Variants in DENND5B observed in about 807,000 individuals in gnomAD.
The protein encoded by DENND5B is DENN domain-containing protein 5B.
In DENND5B, 34 loss-of-function variants were observed where a neutral mutation model predicts 140.6. The ratio of observed to expected loss-of-function variants is 0.24; its 90% CI spans 0.18 to 0.32. The LOEUF (loss-of-function observed/expected upper bound fraction) is 0.32, where lower values mean the gene tolerates loss of function less well. Ranked by LOEUF, DENND5B falls within the 10% of genes least tolerant of loss-of-function variation. The pLI, the probability that DENND5B is intolerant of heterozygous loss-of-function variation, is 1.00. For missense variants in DENND5B, 1,142 were observed against 1,560.2 expected (o/e 0.73, Z 4.52); for synonymous variants, 551 against 562.1 (o/e 0.98, Z 0.28).
intron 1 of DENND5B, among the ~76,000 whole-genome samples, chr12:31,510,372 A>C (rs138977065): frequency 1.3e-5 from 2 of 152,184 alleles, no homozygotes; most frequent in African/African-American, 4.8e-5. Context: ...CTGGAGTGCA[A>C]TGGCACAATC....
intron 1 of DENND5B, among the ~76,000 whole-genome samples, chr12:31,530,606 C>T (rs1948247477): frequency 6.6e-6 from 1 of 152,006 alleles, no homozygotes; most frequent in Non-Finnish European, 1.5e-5. Context: ...AATATGTCAG[C>T]ACTGAAAAAA....
At chr12:31,569,630 G>A (rs1949749407) in intron 1 of DENND5B, among the ~76,000 whole-genome samples, 1 of 151,840 alleles carries the variant, frequency 6.6e-6, no homozygotes, top group Non-Finnish European at 1.5e-5. Flanking sequence ...CCAATGTGGT[G>A]AACCCTGTCT....
chr12:31,496,972 T>C (rs1946783949), intron 1 of DENND5B, among the ~76,000 whole-genome samples: 1 of 152,130 alleles, frequency 6.6e-6, no homozygotes, highest in African/African-American at 2.4e-5. Context: ...AAGTGCAAAA[T>C]ACTAGCTGTT....
At chr12:31,459,091 A>C (rs1308371253) in intron 4 of DENND5B, among the ~76,000 whole-genome samples, 2 of 152,060 alleles carry the variant, frequency 1.3e-5, no homozygotes, top group Non-Finnish European at 2.9e-5. Context: ...GCATGCCTGT[A>C]ATCCCAGCTA....
chr12:31,490,168 A>C lies in DENND5B; in HGVS notation c.237+5642T>G, dbSNP rs540315250. 5.9e-5 allele frequency among the ~76,000 whole-genome samples: 9 copies of C among 151,866 alleles called. No individual in the cohort carries two copies. In the East Asian group the frequency reaches 1.7e-3, roughly 30 times the overall value. ...CAAAAGACTGGTGGGACGAATAATG[A>C]ATTCAGTTTTGGATATGTTGCATTT... On this transcript the variant is annotated intron_variant, in intron 2 of 20. Coordinates refer to ENST00000389082, the MANE Select transcript of DENND5B (RefSeq NM_144973.4).
At chr12:31,434,047 A>G (rs116197396) in intron 7 of DENND5B, among the ~76,000 whole-genome samples, 1,753 of 152,286 alleles carry the variant, frequency 0.012, 23 homozygotes, top group African/African-American at 0.04. Context: ...TGTAAAGTCT[A>G]AGGGTTGTAC....
intron 1 of DENND5B, among the ~76,000 whole-genome samples, chr12:31,586,402 C>T (rs1332802632): frequency 1.3e-5 from 2 of 152,162 alleles, no homozygotes; most frequent in African/African-American, 4.8e-5. Flanking sequence ...AGCACAAGAA[C>T]TTCGATGTGG....
chr12:31,395,942 C>CAAAA (rs541816511), intron 17 of DENND5B, among the ~76,000 whole-genome samples: 1,655 of 91,348 alleles, frequency 0.018, 19 homozygotes, highest in African/African-American at 0.044. Flanking sequence ...ATCACTGGGC[C>CAAAA]AAAAAAAAAA....
At chr12:31,557,946 T>C (rs2060316713) in intron 1 of DENND5B, among the ~76,000 whole-genome samples, 1 of 152,002 alleles carries the variant, frequency 6.6e-6, no homozygotes, top group Non-Finnish European at 1.5e-5. Context: ...CCAGCTATTT[T>C]GGAGGCTGAG....
At chr12:31,493,732 G>A (rs1212590819) in intron 2 of DENND5B, among the ~76,000 whole-genome samples, 1 of 152,190 alleles carries the variant, frequency 6.6e-6, no homozygotes, top group African/African-American at 2.4e-5. Context: ...TCGGGAGGCT[G>A]AGGCAGGAGG....
At chr12:31,434,535 G>A (rs1943656184) in intron 7 of DENND5B, among the ~76,000 whole-genome samples, 1 of 152,062 alleles carries the variant, frequency 6.6e-6, no homozygotes, top group African/African-American at 2.4e-5. Context: ...GATGATATGA[G>A]GGGCTTAAAA....
Position 31,457,367 on chromosome 12 carries a change from C to A in DENND5B, c.1092+2827G>T, listed in dbSNP as rs535396566. ...GCTAATTGGTGATTAATTTATAAAT[C>A]TATGTAGTTATATTAGTTAGCTAGC... On this transcript the variant is annotated intron_variant, in intron 4 of 20. Coordinates refer to ENST00000389082, the MANE Select transcript of DENND5B (RefSeq NM_144973.4). Among the ~76,000 whole-genome samples the A allele has an allele frequency of 4.6e-5, 7 of 152,172 alleles. No homozygotes were observed. The South Asian group carries it at 8.3e-4, about 18-fold the overall frequency.
At chr12:31,521,553 T>A (rs1947885904) in intron 1 of DENND5B, among the ~76,000 whole-genome samples, 1 of 152,150 alleles carries the variant, frequency 6.6e-6, no homozygotes. Flanking sequence ...TAAGAAACAG[T>A]TTCATTTTTG....
At chr12:31,417,728 T>C (rs1942822981) in intron 11 of DENND5B, among the ~76,000 whole-genome samples, 2 of 152,226 alleles carry the variant, frequency 1.3e-5, no homozygotes, top group South Asian at 4.1e-4. Flanking sequence ...TTGCAGTGTT[T>C]GGTCTCGTGC....
At chr12:31,472,560 G>C (rs150940699) in intron 3 of DENND5B, among the ~76,000 whole-genome samples, 3 of 152,042 alleles carry the variant, frequency 2.0e-5, no homozygotes, top group African/African-American at 7.3e-5. Flanking sequence ...CCAAAGCATT[G>C]GGATTACAGA....
chr12:31,546,484 C>T (rs772075100), intron 1 of DENND5B, among the ~76,000 whole-genome samples: 10 of 152,156 alleles, frequency 6.6e-5, no homozygotes, highest in East Asian at 5.8e-4. Context: ...GTCAGGAGTT[C>T]GAGACCAGCC....
chr12:31,506,139 T>G (rs1250946748), intron 1 of DENND5B, among the ~76,000 whole-genome samples: 1 of 152,184 alleles, frequency 6.6e-6, no homozygotes, highest in African/African-American at 2.4e-5. Context: ...TAGACTTAGT[T>G]AAGATTTTAG....
chr12:31,443,214 C>T (rs1012222686), intron 6 of DENND5B, among the ~76,000 whole-genome samples: 1 of 152,134 alleles, frequency 6.6e-6, no homozygotes, highest in African/African-American at 2.4e-5. Context: ...TAGCTGAGAC[C>T]GCAGGCATGT....
At chr12:31,431,258 G>A (rs973688837) in intron 8 of DENND5B, among the ~76,000 whole-genome samples, 1 of 152,056 alleles carries the variant, frequency 6.6e-6, no homozygotes, top group African/African-American at 2.4e-5. Context: ...TCTAGTAAAC[G>A]CCCTAGCCCT....
Sources: gnomAD v4.1 joint callset for allele counts (sites outside exome capture counted in the v4.1 genomes callset) on GRCh38, gnomAD v4.1.1 for gene constraint, MANE v1.5 for transcripts, NCBI Gene and HGNC (gene_info 2026-07-23, HGNC 2026-07-21) for gene names.